SCFD1: variants seen among roughly 807,000 people sequenced by gnomAD.
SCFD1 encodes sec1 family domain-containing protein 1.
Under a neutral mutation model 103.2 loss-of-function variants are expected in SCFD1, and 37 were observed. That is an observed-to-expected ratio of 0.36 (90% confidence interval 0.28 to 0.47). The LOEUF (loss-of-function observed/expected upper bound fraction) is 0.47. Ranked by LOEUF, SCFD1 falls within the 20% of genes least tolerant of loss-of-function variation. SCFD1 has a pLI of 1.00. For missense variants in SCFD1, 639 were observed against 761.2 expected (o/e 0.84, Z 1.89); for synonymous variants, 264 against 245.0 (o/e 1.08, Z -0.73).
intron 14 of SCFD1, among the ~76,000 whole-genome samples, chr14:30,691,025 T>G (rs567624584): frequency 6.6e-6 from 1 of 152,376 alleles, no homozygotes; most frequent in African/African-American, 2.4e-5. Context: ...CTTCTCTTAG[T>G]GTTTTCTCTC....
At chr14:30,699,029 G>A in intron 15 of SCFD1, among the ~76,000 whole-genome samples, 1 of 152,122 alleles carries the variant, frequency 6.6e-6, no homozygotes, top group East Asian at 1.9e-4. Flanking sequence ...AAGGCTGGTA[G>A]GAACATTAGC....
chr14:30,677,196 C>T (rs1594678224), intron 14 of SCFD1, among the ~76,000 whole-genome samples: 1 of 152,006 alleles, frequency 6.6e-6, no homozygotes, highest in East Asian at 1.9e-4. Context: ...AGGGTCTCTC[C>T]CTGTCACCCA....
At chr14:30,726,220 A>G (rs1188062231) in intron 23 of SCFD1, among the ~76,000 whole-genome samples, 2 of 152,236 alleles carry the variant, frequency 1.3e-5, no homozygotes, top group African/African-American at 4.8e-5. Context: ...GCAGTTTACC[A>G]GATAATCCAG....
intron 9 of SCFD1, among the ~76,000 whole-genome samples, chr14:30,652,982 C>T (rs1387809321): frequency 6.6e-6 from 1 of 151,980 alleles, no homozygotes; most frequent in East Asian, 1.9e-4. Context: ...ACACTCCAAC[C>T]TGGGTGACAG....
chr14:30,705,980 G>T, intron 18 of SCFD1, 95 bp downstream of exon 18: 1 of 953,826 alleles, frequency 1.0e-6, no homozygotes, highest in Non-Finnish European at 1.6e-6. Flanking sequence ...CTTTGAATGC[G>T]GAAAATGTCA....
intron 10 of SCFD1, among the ~76,000 whole-genome samples, chr14:30,667,686 C>G (rs1888127982): frequency 6.6e-6 from 1 of 152,190 alleles, no homozygotes. Flanking sequence ...TCTCCTTAAG[C>G]TGATAAGCAA....
intron 4 of SCFD1, 36 bp downstream of exon 4, chr14:30,634,073 T>A (rs780070105): frequency 8.0e-7 from 1 of 1,252,362 alleles, no homozygotes; most frequent in African/African-American, 1.5e-5. Context: ...CTCCTGAATT[T>A]GGAAATGGAT....
chr14:30,643,686 A>G (rs1885518174), intron 7 of SCFD1, among the ~76,000 whole-genome samples: 1 of 152,144 alleles, frequency 6.6e-6, no homozygotes, highest in African/African-American at 2.4e-5. Flanking sequence ...GACTTCACCT[A>G]TGTGCCTGTT....
chr14:30,623,537 G>A (rs200636369), intron 1 of SCFD1, among the ~76,000 whole-genome samples: 3 of 152,118 alleles, frequency 2.0e-5, no homozygotes, highest in African/African-American at 7.2e-5. Flanking sequence ...CCTGCCATTC[G>A]TTGTATATGT....
intron 10 of SCFD1, among the ~76,000 whole-genome samples, chr14:30,669,259 A>G (rs1888311691): frequency 6.6e-6 from 1 of 152,094 alleles, no homozygotes; most frequent in African/African-American, 2.4e-5. Flanking sequence ...ATAATCATTA[A>G]TTCAAAATAT....
chr14:30,726,720 T>G (rs568346125), intron 23 of SCFD1, among the ~76,000 whole-genome samples: 1 of 152,282 alleles, frequency 6.6e-6, no homozygotes, highest in Non-Finnish European at 1.5e-5. Context: ...TATGTAACTG[T>G]TGAGTTTGTT....
intron 14 of SCFD1, among the ~76,000 whole-genome samples, chr14:30,692,667 A>G (rs1890398315): frequency 1.3e-5 from 2 of 152,240 alleles, no homozygotes; most frequent in Admixed American, 1.3e-4. Flanking sequence ...TGACTAGCGG[A>G]AACTGAATTT....
At chr14:30,671,332 A>G (rs550539543) in intron 11 of SCFD1, among the ~76,000 whole-genome samples, 4 of 152,130 alleles carry the variant, frequency 2.6e-5, no homozygotes, top group Admixed American at 1.3e-4. Context: ...ATTTTAATTA[A>G]TTTTAATAAA....
At chr14:30,649,440 C>A in intron 7 of SCFD1, 88 bp from the exon 8 acceptor site, 1 of 777,596 alleles carries the variant, frequency 1.3e-6, no homozygotes, top group Non-Finnish European at 2.1e-6. Flanking sequence ...GTATCTATCA[C>A]ATCTGTTATT....
chr14:30,713,868 A>G (rs976359650), intron 19 of SCFD1, among the ~76,000 whole-genome samples: 2 of 152,108 alleles, frequency 1.3e-5, no homozygotes, highest in South Asian at 2.1e-4. Context: ...TTATGTTGCA[A>G]AGTACTTCAT....
chr14:30,725,109 T>C (rs552358985), intron 23 of SCFD1, among the ~76,000 whole-genome samples: 4 of 152,252 alleles, frequency 2.6e-5, no homozygotes, highest in African/African-American at 9.6e-5. Context: ...GTTTGAAGTC[T>C]GGTAGCATGA....
chr14:30,649,540 T>C lies in SCFD1; in HGVS notation c.626T>C (p.Ile209Thr). The C allele has an allele frequency of 6.3e-7, 1 of 1,576,926 alleles. No homozygotes were observed. The highest frequency in any genetic ancestry group is 2.3e-5 in the East Asian group (1 of 42,626). ...CFFVTLGAVP[I>T]IRCSRGTAAE... ...ATTGTTAAAATAGGTGCTGTTCCTA[T>C]AATCAGATGTTCAAGAGGAACAGCA... Residue 209 changes from isoleucine (I) to threonine (T), a missense_variant, in exon 8 of 25, where the codon ATA (isoleucine) becomes ACA (threonine). By Grantham distance (89) the Ile-to-Thr change is moderately conservative. Coordinates refer to ENST00000458591, the MANE Select transcript of SCFD1 (RefSeq NM_016106.4).
intron 19 of SCFD1, among the ~76,000 whole-genome samples, chr14:30,710,179 T>C (rs1326710500): frequency 6.6e-6 from 1 of 152,010 alleles, no homozygotes; most frequent in Non-Finnish European, 1.5e-5. Context: ...CAGAAACAAT[T>C]CTTTATGATC....
chr14:30,628,332 G>C (rs150682933), intron 2 of SCFD1, 53 bp downstream of exon 2: 1,032 of 1,173,182 alleles, frequency 8.8e-4, no homozygotes, highest in Non-Finnish European at 1.1e-3. Flanking sequence ...GCCCTTATTG[G>C]TGGTAATTGG....
Sources: allele counts gnomAD v4.1 joint callset (sites outside exome capture counted in the v4.1 genomes callset), GRCh38; gene constraint gnomAD v4.1.1; transcripts MANE v1.5; gene names NCBI Gene and HGNC (gene_info 2026-07-23, HGNC 2026-07-21).